Variants in ZNF559 observed in about 807,000 individuals in gnomAD.
ZNF559 encodes zinc finger protein 559.
Under a neutral mutation model 14.2 loss-of-function variants are expected in ZNF559, and 17 were observed. The ratio of observed to expected loss-of-function variants is 1.20; its 90% CI spans 0.82 to 1.80. The LOEUF is 1.80. Ranked by LOEUF, ZNF559 falls within the 40% of genes most tolerant of loss-of-function variation. The pLI is 0.00. For missense variants in ZNF559, 740 were observed against 629.7 expected (o/e 1.18, Z -1.88); for synonymous variants, 244 against 212.4 (o/e 1.15, Z -1.29).
chr19:9,332,314 T>A lies in ZNF559; in HGVS notation c.-119-5482T>A, dbSNP rs371571876. ...TGGGATATGTTCTAACTTGATGTAT[T>A]ATCTTTTCATATATAGAGGTATACA... On this transcript the variant is annotated intron_variant, in intron 2 of 6. Coordinates refer to ENST00000603380, the MANE Select transcript of ZNF559 (RefSeq NM_032497.3). Among the ~76,000 whole-genome samples, 29 of 151,504 alleles carry A rather than the reference T, an allele frequency of 1.9e-4. No individual in the cohort carries two copies. In the East Asian group the frequency reaches 2.5e-3, roughly 13 times the overall value.
upstream of ZNF559, chr19:9,323,966 T>A (rs976074370): frequency 3.5e-6 from 2 of 575,218 alleles, no homozygotes; most frequent in African/African-American, 3.7e-5. Context: ...CTGGGCGTTT[T>A]GTCTAATTCT....
At position 9,343,397 on chromosome 19, in the gene ZNF559, G is replaced by C; in HGVS notation, c.*329G>C. The C allele has an allele frequency of 9.1e-7, 1 of 1,099,944 alleles. No individual in the cohort carries two copies. The highest frequency in any genetic ancestry group is 2.9e-5 in the South Asian group (1 of 34,118). The allele number at this position is 1,099,944 out of a possible 1,614,324, so 68.1% of individuals were successfully genotyped here. A position where few individuals can be genotyped will look rare whatever the true frequency, so the allele number is the denominator to read the frequency against. ...GAAATGCTATGAATGTGAGGAAGGT[G>C]GAAAAGCTTTCATTATTTTCCTCGG... On this transcript the variant is annotated 3_prime_UTR_variant, in exon 7 of 7. Coordinates refer to ENST00000603380, the MANE Select transcript of ZNF559 (RefSeq NM_032497.3).
chr19:9,337,886 TAATC>T (rs1399421638), intron 3 of ZNF559, 28 bp downstream of exon 3: 36 of 1,530,294 alleles, frequency 2.4e-5, no homozygotes, highest in African/African-American at 9.6e-5. Context: ...CACTACTACT[TAATC>T]AAGAGGAATT....
chr19:9,327,656 T>TAAA (rs1249938992), intron 2 of ZNF559, among the ~76,000 whole-genome samples: 1 of 152,308 alleles, frequency 6.6e-6, no homozygotes, highest in Non-Finnish European at 1.5e-5. Flanking sequence ...CTCCATTCTT[T>TAAA]AGCTGACAGT....
chr19:9,342,012 C>T lies in ZNF559; in HGVS notation c.561C>T (p.Cys187=), dbSNP rs748760268. The change falls in exon 7 of 7, where the codon TGC becomes TGT. Residue 187 remains cysteine (C), a synonymous_variant. Transcript: ENST00000603380. The part of the protein sequence containing the change: ...KTHTQEKPYK[C]SDCEKGLPSS... Reference sequence around the variant, plus strand: ...ACACTCAAGAGAAACCATATAAATGCAGTGACTGTGAAAAAGGCTTACCTT... The same window carrying T: ...ACACTCAAGAGAAACCATATAAATGTAGTGACTGTGAAAAAGGCTTACCTT... The T allele has an allele frequency of 1.2e-6, 2 of 1,610,358 alleles. No individual in the cohort carries two copies. Among genetic ancestry groups the T allele is most frequent in the Admixed American group, 1.7e-5 (1 of 59,090 alleles).
Position 9,343,010 on chromosome 19 carries a change from C to G in ZNF559, c.1559C>G (p.Pro520Arg). The change falls in exon 7 of 7, where the codon CCA (proline) becomes CGA (arginine). Residue 520 changes from proline (P) to arginine (R), a missense_variant. By Grantham distance (103) the Pro-to-Arg change is moderately radical (BLOSUM62 -2). Transcript: ENST00000603380. ...RHLRSHSVEK[P>R]YKECGQTFSN... The stretch of plus-strand genomic sequence containing the variant: ...CTAAGAAGTCATAGTGTGGAGAAAC[C>G]ATATAAGGAATGTGGGCAAACCTTT... 6.2e-7 allele frequency: 1 copy of G among 1,614,046 alleles called. No individual in the cohort carries two copies. The highest frequency in any genetic ancestry group is 8.5e-7 in the Non-Finnish European group (1 of 1,179,984).
In ZNF559 at chr19:9,338,500, T is replaced by C. The variant is rs1051825007; in HGVS notation, c.-50T>C. On this transcript the variant is annotated 5_prime_UTR_variant, in exon 4 of 7. Coordinates refer to ENST00000603380, the MANE Select transcript of ZNF559 (RefSeq NM_032497.3). Reference sequence around the variant, plus strand: ...TTTATTTCTTCTTCTTAAGATCATCTTTCTCAAGATGTTTTCTGTCTTCAT... The same window carrying C: ...TTTATTTCTTCTTCTTAAGATCATCCTTCTCAAGATGTTTTCTGTCTTCAT... 6.2e-7 allele frequency: 1 copy of C among 1,612,874 alleles called. No homozygotes were observed. The highest frequency in any genetic ancestry group is 8.5e-7 in the Non-Finnish European group (1 of 1,179,084).
At chr19:9,339,145 T>C in intron 4 of ZNF559, 48 bp from the exon 5 acceptor site, 1 of 1,609,234 alleles carries the variant, frequency 6.2e-7, no homozygotes, top group Non-Finnish European at 8.5e-7. Context: ...CCAGTCAACA[T>C]AGTGGAGAAC....
At position 9,345,707 on chromosome 19, in the gene ZNF559, G is replaced by C. The variant is rs2067712085; in HGVS notation, c.*2639G>C. ...TTTACTCTGTCTCCCAGGCTGAAGT[G>C]CGTGGCACGATCATGTGGTTTTGCA... On this transcript the variant is annotated 3_prime_UTR_variant, in exon 7 of 7. Transcript: ENST00000603380. 6.6e-6 allele frequency: 1 copy of C among 151,072 alleles called. No homozygotes were observed. The highest frequency in any genetic ancestry group is 1.5e-5 in the Non-Finnish European group (1 of 67,820). 9.4% of individuals were successfully genotyped at this position (151,072 alleles called of 1,614,324 possible).
chr19:9,340,671 A>T (rs890222733), intron 5 of ZNF559, among the ~76,000 whole-genome samples: 1 of 147,428 alleles, frequency 6.8e-6, no homozygotes, highest in Non-Finnish European at 1.5e-5. Flanking sequence ...GGTTCAAGTG[A>T]TTCCCCTGCC....
intron 2 of ZNF559, among the ~76,000 whole-genome samples, chr19:9,327,245 T>TTG (rs1555727461): frequency 6.7e-6 from 1 of 148,776 alleles, no homozygotes; most frequent in Non-Finnish European, 1.5e-5. Flanking sequence ...TGTTTTGTTT[T>TTG]TTTTTGTTTT....
chr19:9,338,063 T>C, intron 3 of ZNF559: 2 of 1,493,548 alleles, frequency 1.3e-6, no homozygotes, highest in Non-Finnish European at 1.8e-6. Flanking sequence ...TTAACCAGTC[T>C]GTGAACAGCT....
In ZNF559 at chr19:9,335,684, A is replaced by G. The variant is rs76144183; in HGVS notation, c.-119-2112A>G. Among the ~76,000 whole-genome samples, 1,373 of 152,284 alleles carry G rather than the reference A, an allele frequency of 9.0e-3. 23 individuals are homozygous for G. The highest frequency in any genetic ancestry group is 0.032 in the African/African-American group (1,325 of 41,568). ...CACGTAGCTGGCACTACAGACACGT[A>G]CCACCACACCTGGCTAATTTTTGTG... On this transcript the variant is annotated intron_variant, in intron 2 of 6. Coordinates refer to ENST00000603380, the MANE Select transcript of ZNF559 (RefSeq NM_032497.3).
intron 2 of ZNF559, among the ~76,000 whole-genome samples, chr19:9,337,354 G>T (rs2067295737): frequency 1.3e-5 from 2 of 152,174 alleles, no homozygotes; most frequent in African/African-American, 4.8e-5. Context: ...CACTTACCAG[G>T]GAAGATATTC....
At position 9,342,805 on chromosome 19, in the gene ZNF559, C is replaced by T. The variant is rs2067642586; in HGVS notation, c.1354C>T (p.Leu452Phe). The T allele has an allele frequency of 3.1e-6, 5 of 1,613,916 alleles. No individual in the cohort carries two copies. Among genetic ancestry groups the T allele is most frequent in the Non-Finnish European group, 4.2e-6 (5 of 1,180,008 alleles). Residue 452 changes from leucine to phenylalanine, a missense_variant, in exon 7 of 7, where the codon CTT becomes TTT. Physicochemically the swap from Leu to Phe is conservative, Grantham distance 22 (BLOSUM62 0). Transcript: ENST00000603380. ...GAAAGCCTTTAGATACTCCTCGCACCTTAGTCAACATAAAAGAATACATAC... is the reference window on the plus strand; with the variant it reads ...GAAAGCCTTTAGATACTCCTCGCACTTTAGTCAACATAAAAGAATACATAC... ...CGKAFRYSSH[L>F]SQHKRIHTGE...
chr19:9,328,882 A>G (rs1036676908), intron 2 of ZNF559, among the ~76,000 whole-genome samples: 8 of 152,230 alleles, frequency 5.3e-5, no homozygotes, highest in African/African-American at 1.7e-4. Context: ...TCAAAATATT[A>G]CATAAGCCCT....
In ZNF559 at chr19:9,343,213, T is replaced by A; in HGVS notation, c.*145T>A. 1 of 1,456,928 alleles carries A rather than the reference T, an allele frequency of 6.9e-7. No homozygotes were observed. Among genetic ancestry groups the A allele is most frequent in the Non-Finnish European group, 9.0e-7 (1 of 1,110,610 alleles). The allele number at this position is 1,456,928 out of a possible 1,614,324, so 90.3% of individuals were successfully genotyped here. A position where few individuals can be genotyped will look rare whatever the true frequency, so the allele number is the denominator to read the frequency against. ...GTGTCTCAGATCTTAACAATTCCAATAGAAGAGAAGACATATGAATGTAAG... is the reference window on the plus strand; with the variant it reads ...GTGTCTCAGATCTTAACAATTCCAAAAGAAGAGAAGACATATGAATGTAAG... On this transcript the variant is annotated 3_prime_UTR_variant, in exon 7 of 7. Transcript: ENST00000603380.
At chr19:9,332,400 G>C (rs1045065313) in intron 2 of ZNF559, among the ~76,000 whole-genome samples, 3 of 151,210 alleles carry the variant, frequency 2.0e-5, no homozygotes, top group African/African-American at 7.3e-5. Context: ...AAATTTTATT[G>C]AGGGTTTGTG....
At position 9,344,884 on chromosome 19, in the gene ZNF559, CAT is replaced by C. The variant is rs1393345753; in HGVS notation, c.*1817_*1818del. 4.6e-5 allele frequency: 7 copies of C among 152,252 alleles called. No homozygotes were observed. Among genetic ancestry groups the C allele is most frequent in the Admixed American group, 2.0e-4 (3 of 15,288 alleles). 9.4% of individuals were successfully genotyped at this position (152,252 alleles called of 1,614,324 possible). A position where few individuals can be genotyped will look rare whatever the true frequency, so the allele number is the denominator to read the frequency against. ...TATAATTGCCATGTAATAAACTGCA[CAT>C]GTTTTTAGCATACACTTTAAGTTTG... On this transcript the variant is annotated 3_prime_UTR_variant, in exon 7 of 7. Coordinates refer to ENST00000603380, the MANE Select transcript of ZNF559 (RefSeq NM_032497.3).
Sources: allele counts gnomAD v4.1 joint callset (sites outside exome capture counted in the v4.1 genomes callset), GRCh38; gene constraint gnomAD v4.1.1; transcripts MANE v1.5; gene names NCBI Gene and HGNC (gene_info 2026-07-23, HGNC 2026-07-21).